ADGRL2: variants seen among roughly 807,000 people sequenced by gnomAD.
The protein encoded by ADGRL2 is calcium-independent alpha-latrotoxin receptor 2.
ADGRL2 carries 44 observed loss-of-function variants against 157.4 expected under a neutral mutation model. The ratio of observed to expected loss-of-function variants is 0.28; its 90% CI spans 0.22 to 0.36. The LOEUF (loss-of-function observed/expected upper bound fraction) is 0.36, where lower values mean the gene tolerates loss of function less well. ADGRL2 is among the 10% of genes least tolerant of loss of function. The probability of loss-of-function intolerance (pLI) is 1.00; values close to 1 mark genes in which losing one functional copy is unlikely to be tolerated. For missense variants in ADGRL2, 1,510 were observed against 1,768.9 expected, an observed-to-expected ratio of 0.85 and a Z score of 2.63; for synonymous variants, 585 against 624.7, an observed-to-expected ratio of 0.94 and a Z score of 0.95.
At chr1:81,501,337 G>A (rs72946955) in intron 2 of ADGRL2, among the ~76,000 whole-genome samples, 236 of 152,316 alleles carry the variant, frequency 1.5e-3, no homozygotes, top group African/African-American at 5.2e-3. Flanking sequence ...ACTGATCGGT[G>A]TACTATTCTG....
intron 12 of ADGRL2, 22 bp from the exon 13 acceptor site, chr1:81,966,382 G>A (rs776115713): frequency 3.1e-6 from 5 of 1,605,132 alleles, no homozygotes; most frequent in East Asian, 4.5e-5. Flanking sequence ...TGTACATCAT[G>A]TGACTATTTT....
chr1:81,680,039 G>A (rs1003843002), intron 3 of ADGRL2, among the ~76,000 whole-genome samples: 1 of 152,132 alleles, frequency 6.6e-6, no homozygotes, highest in African/African-American at 2.4e-5. Flanking sequence ...TAAACCCAAG[G>A]GATTAGTAGC....
intron 2 of ADGRL2, among the ~76,000 whole-genome samples, chr1:81,838,116 G>C (rs1325996934): frequency 6.6e-6 from 1 of 151,946 alleles, no homozygotes; most frequent in African/African-American, 2.4e-5. Flanking sequence ...TCAACTAATA[G>C]AAGTGTATTA....
At chr1:81,634,424 T>C (rs1472864932) in intron 3 of ADGRL2, among the ~76,000 whole-genome samples, 1 of 151,942 alleles carries the variant, frequency 6.6e-6, no homozygotes, top group Non-Finnish European at 1.5e-5. Flanking sequence ...TTACACATCA[T>C]CTGGCTTCTG....
chr1:81,954,895 T>C (rs1186011696), intron 10 of ADGRL2, among the ~76,000 whole-genome samples: 1 of 152,216 alleles, frequency 6.6e-6, no homozygotes, highest in Non-Finnish European at 1.5e-5. Context: ...GTTCTTTCTC[T>C]TCAGTAATTA....
At chr1:81,339,291 T>A (rs1184942954) in intron 1 of ADGRL2, among the ~76,000 whole-genome samples, 2 of 152,338 alleles carry the variant, frequency 1.3e-5, no homozygotes, top group South Asian at 2.1e-4. Context: ...TAATTAATAG[T>A]AACTGACAAT....
upstream of ADGRL2, among the ~76,000 whole-genome samples, chr1:81,796,286 G>C (rs2087582909): frequency 1.3e-5 from 2 of 152,164 alleles, no homozygotes; most frequent in Admixed American, 1.3e-4. Context: ...ACCACACACT[G>C]CAGGAGGTGT....
intron 1 of ADGRL2, among the ~76,000 whole-genome samples, chr1:81,346,197 T>C (rs1284521777): frequency 3.9e-5 from 6 of 152,086 alleles, no homozygotes; most frequent in African/African-American, 7.2e-5. Flanking sequence ...ATAAAATACT[T>C]TCTATAAAGG....
intron 2 of ADGRL2, among the ~76,000 whole-genome samples, chr1:81,566,442 A>G (rs527849883): frequency 6.6e-6 from 1 of 152,254 alleles, no homozygotes; most frequent in East Asian, 1.9e-4. Flanking sequence ...ATGTGGTTAA[A>G]ATGTAAATTA....
At chr1:81,676,499 C>T (rs2082993445) in intron 3 of ADGRL2, among the ~76,000 whole-genome samples, 1 of 151,966 alleles carries the variant, frequency 6.6e-6, no homozygotes, top group South Asian at 2.1e-4. Flanking sequence ...TAATATTTCA[C>T]TATGTTGACT....
At chr1:81,902,370 G>A (rs1268353403) in intron 2 of ADGRL2, among the ~76,000 whole-genome samples, 1 of 152,056 alleles carries the variant, frequency 6.6e-6, no homozygotes, top group Non-Finnish European at 1.5e-5. Flanking sequence ...GGCCAAAGTG[G>A]GCAGATCACC....
chr1:81,512,514 T>C (rs2148098554), intron 2 of ADGRL2, among the ~76,000 whole-genome samples: 1 of 152,288 alleles, frequency 6.6e-6, no homozygotes, highest in Middle Eastern at 3.4e-3. Flanking sequence ...CAATGTTAAA[T>C]ATGCAGAAAG....
At chr1:81,923,502 TGC>T (rs1347893661) in intron 3 of ADGRL2, among the ~76,000 whole-genome samples, 1 of 152,168 alleles carries the variant, frequency 6.6e-6, no homozygotes, top group Non-Finnish European at 1.5e-5. Context: ...CTTGCTCTAC[TGC>T]TCAGAGTATC....
intron 1 of ADGRL2, among the ~76,000 whole-genome samples, chr1:81,761,583 A>G (rs2085883264): frequency 6.6e-6 from 1 of 152,032 alleles, no homozygotes; most frequent in African/African-American, 2.4e-5. Context: ...GTGGAAAACA[A>G]AATAGTTTAT....
chr1:81,668,496 T>C (rs962893975), intron 3 of ADGRL2, among the ~76,000 whole-genome samples: 4 of 152,054 alleles, frequency 2.6e-5, no homozygotes, highest in Non-Finnish European at 5.9e-5. Context: ...TAATAAAGTA[T>C]ACAAAAGTGT....
At chr1:81,980,198 T>C (rs1661262356) in intron 18 of ADGRL2, among the ~76,000 whole-genome samples, 1 of 151,792 alleles carries the variant, frequency 6.6e-6, no homozygotes, top group African/African-American at 2.4e-5. Context: ...GGAAATTCCA[T>C]ATCACTGTAG....
intron 1 of ADGRL2, among the ~76,000 whole-genome samples, chr1:81,384,531 C>T (rs1454607667): frequency 1.1e-4 from 17 of 151,924 alleles, no homozygotes; most frequent in Admixed American, 7.2e-4. Flanking sequence ...AATTTGTCAC[C>T]ATTTTAAATT....
chr1:81,826,663 A>C (rs1057438688), intron 1 of ADGRL2, among the ~76,000 whole-genome samples: 1 of 152,220 alleles, frequency 6.6e-6, no homozygotes, highest in Non-Finnish European at 1.5e-5. Context: ...TTATTAATTC[A>C]TGAGCCAGGA....
At chr1:81,928,380 C>T (rs1436656699) in intron 3 of ADGRL2, among the ~76,000 whole-genome samples, 1 of 151,916 alleles carries the variant, frequency 6.6e-6, no homozygotes, top group Non-Finnish European at 1.5e-5. Context: ...TTTCTATTAA[C>T]CATGTTTATT....
Sources: gnomAD v4.1 joint callset for allele counts (sites outside exome capture counted in the v4.1 genomes callset) on GRCh38, gnomAD v4.1.1 for gene constraint, MANE v1.5 for transcripts, NCBI Gene and HGNC (gene_info 2026-07-23, HGNC 2026-07-21) for gene names.